The following ARID1B variants were observed in gnomAD, a reference collection of about 807,000 sequenced individuals.
ARID1B encodes the protein AT-rich interaction domain 1B.
A neutral mutation model predicts 212.3 loss-of-function variants in ARID1B; 30 were observed. That is an observed-to-expected ratio of 0.14 (90% CI 0.11 to 0.19). ARID1B has a LOEUF of 0.19. ARID1B is among the 10% of genes least tolerant of loss of function. The probability of loss-of-function intolerance (pLI) is 1.00; values close to 1 mark genes in which losing one functional copy is unlikely to be tolerated. For missense variants in ARID1B, 2,891 were observed against 3,204.0 expected, an observed-to-expected ratio of 0.90 and a Z score of 2.36; for synonymous variants, 1,402 against 1,301.7, an observed-to-expected ratio of 1.08 and a Z score of -1.66.
intron 4 of ARID1B, among the ~76,000 whole-genome samples, chr6:157,064,691 T>G (rs1233790941): frequency 1.3e-5 from 2 of 152,036 alleles, no homozygotes; most frequent in Non-Finnish European, 2.9e-5. Context: ...CCCCACATCC[T>G]CTCCTGACCA....
chr6:156,987,046 G>T (rs958756105), intron 4 of ARID1B, among the ~76,000 whole-genome samples: 1 of 151,782 alleles, frequency 6.6e-6, no homozygotes. Flanking sequence ...CGGGTGTGAT[G>T]GTGTGCCTGT....
At chr6:157,205,611 TG>T (rs1373438095) in intron 19 of ARID1B, 2 of 152,386 alleles carry the variant, frequency 1.3e-5, no homozygotes, top group African/African-American at 4.8e-5. Flanking sequence ...GCTACCACAT[TG>T]CTGAAATTAT....
intron 2 of ARID1B, among the ~76,000 whole-genome samples, chr6:156,862,269 T>C (rs909622521): frequency 2.6e-5 from 4 of 152,208 alleles, no homozygotes; most frequent in Non-Finnish European, 4.4e-5. Context: ...ATAGCCGTGG[T>C]GTGCCCCATC....
chr6:157,018,474 A>G (rs1033598108), intron 4 of ARID1B, among the ~76,000 whole-genome samples: 2 of 152,068 alleles, frequency 1.3e-5, no homozygotes, highest in African/African-American at 4.8e-5. Context: ...TTGCCCTCCA[A>G]AAGTGCTGGG....
rs140795552 is a variant in ARID1B, at chr6:157,056,753, G to A, written c.2248-27909G>A. Among the ~76,000 whole-genome samples the A allele has an allele frequency of 4.2e-3, 637 of 151,692 alleles. 3 individuals are homozygous for A. Among genetic ancestry groups the A allele is most frequent in the African/African-American group, 0.015 (615 of 41,420 alleles). ...TTTAAACATTTTGATGTTTAGTTTT[G>A]ACTAATCATTTTTGGAGCATATAAG... On this transcript the variant is annotated intron_variant, in intron 4 of 19. Transcript: ENST00000636930.
intron 4 of ARID1B, among the ~76,000 whole-genome samples, chr6:157,060,640 T>C (rs1291171692): frequency 6.8e-6 from 1 of 146,560 alleles, no homozygotes; most frequent in Non-Finnish European, 1.5e-5. Flanking sequence ...CTTTTTTTTT[T>C]TTTTTTTTTT....
chr6:157,045,128 A>G lies in ARID1B; in HGVS notation c.2248-39534A>G, dbSNP rs139529490. 6.3e-3 allele frequency among the ~76,000 whole-genome samples: 967 copies of G among 152,328 alleles called. 5 individuals are homozygous for G. The highest frequency in any genetic ancestry group is 0.022 in the African/African-American group (922 of 41,570). ...GATGTTCTGCTTAGGAAAGAAAGAT[A>G]AACTACTATAAAGTTGACAAGTTTC... On this transcript the variant is annotated intron_variant, in intron 4 of 19. Coordinates refer to ENST00000636930, the MANE Select transcript of ARID1B (RefSeq NM_001374828.1).
At position 156,955,740 on chromosome 6, in the gene ARID1B, A is replaced by ATGTCAT. The variant is rs1793918517; in HGVS notation, c.2247+20164_2247+20165insTGTCAT. Among the ~76,000 whole-genome samples, 1 of 152,174 alleles carries ATGTCAT rather than the reference A, an allele frequency of 6.6e-6. No individual in the cohort carries two copies. Among genetic ancestry groups the ATGTCAT allele is most frequent in the Admixed American group, 6.5e-5 (1 of 15,276 alleles). On this transcript the variant is annotated intron_variant, in intron 4 of 19. Coordinates refer to ENST00000636930, the MANE Select transcript of ARID1B (RefSeq NM_001374828.1). The surrounding 1 kb of genome is among the most constrained non-coding windows in gnomAD (Gnocchi z 4.2). ...CTATGCCCATCTCCAGAAGGGCCCT[A>ATGTCAT]GAAACAGAGCCTGGATGTCATGGGG...
intron 4 of ARID1B, among the ~76,000 whole-genome samples, chr6:157,056,910 T>A (rs1205057117): frequency 3.9e-5 from 6 of 151,998 alleles, no homozygotes. Context: ...TTTTTTTAAA[T>A]AAGTTTAAGT....
intron 1 of ARID1B, among the ~76,000 whole-genome samples, chr6:156,816,500 T>TA (rs1214561629): frequency 6.6e-6 from 1 of 152,244 alleles, no homozygotes; most frequent in East Asian, 1.9e-4. Context: ...TTAAAGAACT[T>TA]ACTGTCTGAT....
At chr6:156,811,334 G>A (rs916261001) in intron 1 of ARID1B, among the ~76,000 whole-genome samples, 4 of 152,188 alleles carry the variant, frequency 2.6e-5, no homozygotes, top group Non-Finnish European at 5.9e-5. Flanking sequence ...ACACAGAAGT[G>A]TGGATACGAG....
At chr6:156,903,106 AG>A (rs1486130628) in intron 3 of ARID1B, among the ~76,000 whole-genome samples, 1 of 152,204 alleles carries the variant, frequency 6.6e-6, no homozygotes, top group East Asian at 1.9e-4. Context: ...ATTTTCTTCA[AG>A]ACCAAGCTCA....
At chr6:157,064,494 C>A (rs1256112140) in intron 4 of ARID1B, among the ~76,000 whole-genome samples, 3 of 149,090 alleles carry the variant, frequency 2.0e-5, no homozygotes, top group Non-Finnish European at 4.4e-5. Context: ...ATTGTTGTTC[C>A]CAGTGAACAG....
intron 3 of ARID1B, among the ~76,000 whole-genome samples, chr6:156,921,954 T>G (rs1256980791): frequency 6.6e-6 from 1 of 152,096 alleles, no homozygotes; most frequent in Non-Finnish European, 1.5e-5. Flanking sequence ...CCCTCAGCAG[T>G]TTTAGGGATG....
intron 4 of ARID1B, among the ~76,000 whole-genome samples, chr6:157,025,125 T>A (rs1314186107): frequency 6.6e-6 from 1 of 152,216 alleles, no homozygotes; most frequent in African/African-American, 2.4e-5. Context: ...ACTCAAAAAC[T>A]TTGACCTCCT....
intron 8 of ARID1B, among the ~76,000 whole-genome samples, chr6:157,161,668 C>T (rs1322063233): frequency 1.3e-5 from 2 of 151,988 alleles, no homozygotes; most frequent in African/African-American, 4.8e-5. Context: ...TTAATGTATG[C>T]AATTGGATCT....
intron 4 of ARID1B, among the ~76,000 whole-genome samples, chr6:157,015,686 TCTC>T (rs1225582958): frequency 5.3e-5 from 8 of 152,318 alleles, no homozygotes; most frequent in African/African-American, 1.9e-4. Flanking sequence ...AGCAGTTGGT[TCTC>T]CTGACTTCAG....
At chr6:157,040,189 C>T (rs775436545) in intron 4 of ARID1B, among the ~76,000 whole-genome samples, 28 of 152,218 alleles carry the variant, frequency 1.8e-4, no homozygotes, top group Non-Finnish European at 3.1e-4. Context: ...CTGCCCGCCT[C>T]GGCCTCCCAA....
Position 156,778,281 on chromosome 6 carries a change from C to T in ARID1B, c.601C>T (p.Gln201Ter). 2 of 1,541,542 alleles carry T rather than the reference C, an allele frequency of 1.3e-6. No homozygotes were observed. The highest frequency in any genetic ancestry group is 1.7e-6 in the Non-Finnish European group (2 of 1,144,776). Residue 201 changes from glutamine (Q) to a stop codon, truncating the protein, a stop_gained, in exon 1 of 20, where the codon CAG becomes TAG. Transcript: ENST00000636930. LOFTEE classifies it high-confidence loss of function. ...GCTAAACCAGTTCCAGCAGCAGCAG[C>T]AGCAGCAGCAACAGCAGCAGCAGCA... The part of the protein sequence containing the change: ...QQLNQFQQQQ[Q>*]QQQQQQQQQQ...
Sources: gnomAD v4.1 joint callset for allele counts (sites outside exome capture counted in the v4.1 genomes callset) on GRCh38, gnomAD v4.1.1 for gene constraint, Gnocchi (gnomAD v3.1) non-coding constraint, MANE v1.5 for transcripts, NCBI Gene and HGNC (gene_info 2026-07-23, HGNC 2026-07-21) for gene names.